TBC1D5: variants seen among roughly 807,000 people sequenced by gnomAD.
TBC1D5 encodes the protein TBC1 domain family member 5, also known as TBC1 domain family, member 5.
TBC1D5 carries 75 observed loss-of-function variants against 100.3 expected under a neutral mutation model. The observed-to-expected ratio is 0.75, with a 90% CI of 0.62 to 0.91. The LOEUF (loss-of-function observed/expected upper bound fraction) is 0.91, where lower values mean the gene tolerates loss of function less well. Ranked by LOEUF, TBC1D5 falls within the 40% of genes least tolerant of loss-of-function variation. The probability of loss-of-function intolerance (pLI) is 0.00; values close to 1 mark genes in which losing one functional copy is unlikely to be tolerated. For synonymous variants in TBC1D5, 323 were observed against 325.6 expected (o/e 0.99, Z 0.09); for missense variants, 910 against 942.4 (o/e 0.97, Z 0.45).
chr3:17,508,016 TA>T (rs1263074562), intron 3 of TBC1D5, among the ~76,000 whole-genome samples: 124 of 142,478 alleles, frequency 8.7e-4, no homozygotes, highest in South Asian at 1.8e-3. Context: ...TCAATTACTT[TA>T]AAAAAAAAAA....
At chr3:17,475,541 G>A (rs2095428211) in intron 3 of TBC1D5, among the ~76,000 whole-genome samples, 1 of 152,000 alleles carries the variant, frequency 6.6e-6, no homozygotes, top group Non-Finnish European at 1.5e-5. Context: ...TCACTGCCCT[G>A]CAATCATCAA....
chr3:17,524,464 G>A (rs1417982418), intron 2 of TBC1D5: 1 of 152,138 alleles, frequency 6.6e-6, no homozygotes, highest in Non-Finnish European at 1.5e-5. Context: ...GAAAGAAGTT[G>A]ATTGTAATAG....
intron 1 of TBC1D5, among the ~76,000 whole-genome samples, chr3:17,725,255 C>A (rs575740241): frequency 3.3e-5 from 5 of 152,238 alleles, no homozygotes; most frequent in South Asian, 2.1e-4. Flanking sequence ...ATTTTCATTT[C>A]TTTCTGTGAG....
intron 3 of TBC1D5, among the ~76,000 whole-genome samples, chr3:17,431,854 A>G (rs9864494): frequency 0.5 from 75,620 of 151,928 alleles, 20,459 homozygotes; most frequent in African/African-American, 0.69. Context: ...CTTTAACTGA[A>G]GTCATGTTTA....
exon 9 of TBC1D5, chr3:17,383,977 C>T (rs2093051711): frequency 6.3e-7 from 1 of 1,599,396 alleles, no homozygotes; most frequent in African/African-American, 1.3e-5. Context: ...AAGAATTTTT[C>T]TCACATTTTC....
intron 15 of TBC1D5, among the ~76,000 whole-genome samples, chr3:17,280,282 T>A (rs748301878): frequency 1.3e-5 from 2 of 152,106 alleles, no homozygotes; most frequent in Non-Finnish European, 2.9e-5. Context: ...GCCAAGTGGA[T>A]ATTCCTTTTG....
chr3:17,397,789 GAT>G (rs1349902113), intron 8 of TBC1D5, among the ~76,000 whole-genome samples: 1 of 152,056 alleles, frequency 6.6e-6, no homozygotes, highest in Non-Finnish European at 1.5e-5. Flanking sequence ...AAATACAAAA[GAT>G]CAAATATTGA....
chr3:17,697,114 A>G (rs1167727955), intron 1 of TBC1D5, among the ~76,000 whole-genome samples: 1 of 152,242 alleles, frequency 6.6e-6, no homozygotes, highest in Admixed American at 6.5e-5. Context: ...ACAAAATACT[A>G]AGAGCTATTT....
At chr3:17,530,243 CAAAAAAAAA>C (rs57879135) in intron 2 of TBC1D5, among the ~76,000 whole-genome samples, 1 of 59,936 alleles carries the variant, frequency 1.7e-5, no homozygotes, top group East Asian at 5.1e-4. Flanking sequence ...GACTTCGTCT[CAAAAAAAAA>C]AAAAAAAAAA....
At chr3:17,644,681 G>A (rs1396226359) in intron 1 of TBC1D5, among the ~76,000 whole-genome samples, 1 of 152,066 alleles carries the variant, frequency 6.6e-6, no homozygotes, top group Non-Finnish European at 1.5e-5. Context: ...AAGTGATGTG[G>A]AAATATATTC....
chr3:17,717,513 C>T (rs2075338526), intron 1 of TBC1D5, among the ~76,000 whole-genome samples: 1 of 152,136 alleles, frequency 6.6e-6, no homozygotes, highest in Non-Finnish European at 1.5e-5. Flanking sequence ...ATGAGATGAG[C>T]ATCTTCAAGC....
chr3:17,435,908 C>G (rs2094526665), intron 3 of TBC1D5, among the ~76,000 whole-genome samples: 1 of 152,190 alleles, frequency 6.6e-6, no homozygotes, highest in South Asian at 2.1e-4. Context: ...AAAAGCTGAT[C>G]ACTATATGAG....
At chr3:17,722,464 T>C (rs1280274016) in intron 1 of TBC1D5, among the ~76,000 whole-genome samples, 1 of 152,224 alleles carries the variant, frequency 6.6e-6, no homozygotes, top group African/African-American at 2.4e-5. Context: ...CTCACTGTGA[T>C]GCATCACAGG....
At chr3:17,451,701 A>C (rs1576042702) in intron 3 of TBC1D5, among the ~76,000 whole-genome samples, 1 of 152,204 alleles carries the variant, frequency 6.6e-6, no homozygotes, top group South Asian at 2.1e-4. Context: ...GCAGCAAACC[A>C]CCATGGCACG....
At chr3:17,359,564 T>C (rs944151469) in intron 13 of TBC1D5, among the ~76,000 whole-genome samples, 1 of 152,078 alleles carries the variant, frequency 6.6e-6, no homozygotes, top group African/African-American at 2.4e-5. Flanking sequence ...AACTTGCTTT[T>C]ACAGGCACAT....
intron 1 of TBC1D5, among the ~76,000 whole-genome samples, chr3:17,708,767 C>T (rs2074415885): frequency 6.6e-6 from 1 of 152,190 alleles, no homozygotes; most frequent in Non-Finnish European, 1.5e-5. Context: ...CAACTGTTCT[C>T]CAATCACTCT....
At chr3:17,732,537 A>G (rs2076649457) in intron 1 of TBC1D5, among the ~76,000 whole-genome samples, 1 of 151,688 alleles carries the variant, frequency 6.6e-6, no homozygotes, top group Non-Finnish European at 1.5e-5. Context: ...TGACCAATAG[A>G]GATGGCCACC....
At chr3:17,543,238 C>G (rs1385665261) in intron 2 of TBC1D5, among the ~76,000 whole-genome samples, 1 of 152,132 alleles carries the variant, frequency 6.6e-6, no homozygotes, top group Non-Finnish European at 1.5e-5. Flanking sequence ...AGAGACACAA[C>G]AGGGATTAAT....
chr3:17,714,992 CAAAG>C (rs933105018), intron 1 of TBC1D5, among the ~76,000 whole-genome samples: 10 of 152,028 alleles, frequency 6.6e-5, no homozygotes, highest in Non-Finnish European at 1.0e-4. Context: ...CTTAAATGTG[CAAAG>C]GAAGGAAGGA....
Sources: allele counts gnomAD v4.1 joint callset (sites outside exome capture counted in the v4.1 genomes callset), GRCh38; gene constraint gnomAD v4.1.1; transcripts MANE v1.5; gene names NCBI Gene and HGNC (gene_info 2026-07-23, HGNC 2026-07-21).